KIRREL3: variants seen among roughly 807,000 people sequenced by gnomAD.
The protein encoded by KIRREL3 is kirre like nephrin family adhesion molecule 3, also known as kin of IRRE-like protein 3.
A neutral mutation model predicts 89.7 loss-of-function variants in KIRREL3; 36 were observed. The observed-to-expected ratio is 0.40, with a 90% CI of 0.31 to 0.53. KIRREL3 has a LOEUF of 0.53. Among genes scored for constraint, KIRREL3 ranks in the 20% least tolerant of loss-of-function variants. The pLI is 0.49. For missense variants in KIRREL3, 864 were observed against 1,056.6 expected (o/e 0.82, Z 2.53); for synonymous variants, 445 against 441.4 (o/e 1.01, Z -0.10).
At chr11:126,835,231 C>T (rs1272631903) in intron 1 of KIRREL3, among the ~76,000 whole-genome samples, 1 of 152,218 alleles carries the variant, frequency 6.6e-6, no homozygotes, top group African/African-American at 2.4e-5. Flanking sequence ...CTCCTATAAA[C>T]ATCACTGACA....
Position 126,946,016 on chromosome 11 carries a change from G to T in KIRREL3, c.55+54439C>A, listed in dbSNP as rs1948611364. On this transcript the variant is annotated intron_variant, in intron 1 of 16. Coordinates refer to ENST00000525144, the MANE Select transcript of KIRREL3 (RefSeq NM_032531.4). The surrounding 1 kb of genome is among the most constrained non-coding windows in gnomAD (Gnocchi z 4.1). ...CCTGGATGGAAGTCCTGTGGTGACT[G>T]CTGCTCCATCTGAGCCCCTTAAAAT... is the stretch of plus-strand genomic sequence containing the variant. Among the ~76,000 whole-genome samples, 1 of 152,148 alleles carries T rather than the reference G, an allele frequency of 6.6e-6. No individual in the cohort carries two copies. Among genetic ancestry groups the T allele is most frequent in the Non-Finnish European group, 1.5e-5 (1 of 68,022 alleles).
intron 1 of KIRREL3, among the ~76,000 whole-genome samples, chr11:126,865,914 C>T (rs1944902739): frequency 6.6e-6 from 1 of 152,028 alleles, no homozygotes; most frequent in Non-Finnish European, 1.5e-5. Context: ...CCAAGCTTCT[C>T]ACCTCCACCG....
At position 126,940,310 on chromosome 11, in the gene KIRREL3, TC is replaced by T. The variant is rs1415419471; in HGVS notation, c.55+60144del. 5.9e-5 allele frequency: 9 copies of T among 152,340 alleles called. No individual in the cohort carries two copies. Among genetic ancestry groups the T allele is most frequent in the African/African-American group, 1.7e-4 (7 of 41,592 alleles). 9.4% of individuals were successfully genotyped at this position (152,340 alleles called of 1,614,324 possible). On this transcript the variant is annotated intron_variant, in intron 1 of 16. Transcript: ENST00000525144. The surrounding 1 kb of genome is among the most constrained non-coding windows in gnomAD (Gnocchi z 4.6). ...CTAGATTGGAAAAACAATAGTTGTT[TC>T]TTTTTTCTTTTATTTCAGCAGGGTT...
In KIRREL3 at chr11:126,734,558, G is replaced by A. The variant is rs1948739321; in HGVS notation, c.56-171646C>T. Among the ~76,000 whole-genome samples, 1 of 152,130 alleles carries A rather than the reference G, an allele frequency of 6.6e-6. No homozygotes were observed. The highest frequency in any genetic ancestry group is 1.5e-5 in the Non-Finnish European group (1 of 68,030). On this transcript the variant is annotated intron_variant, in intron 1 of 16. Coordinates refer to ENST00000525144, the MANE Select transcript of KIRREL3 (RefSeq NM_032531.4). This position sits in a 1 kb window ranked among gnomAD's most constrained non-coding sequence, Gnocchi z 5.9. Reference sequence around the variant, plus strand: ...CGTGCCTGTAATCCCAGCTACTTGGGAGGCTGAGACAAGAGAATCACTTGA... The same window carrying A: ...CGTGCCTGTAATCCCAGCTACTTGGAAGGCTGAGACAAGAGAATCACTTGA...
In KIRREL3 at chr11:126,977,311, T is replaced by A. The variant is rs1374669786; in HGVS notation, c.55+23144A>T. Among the ~76,000 whole-genome samples, 1 of 152,170 alleles carries A rather than the reference T, an allele frequency of 6.6e-6. No individual in the cohort carries two copies. The highest frequency in any genetic ancestry group is 1.5e-5 in the Non-Finnish European group (1 of 68,030). ...TTCGGATGCTGCCGCCCTTTCCTTCTTCATCAGGATCATTCGTTTGGTGCT... is the reference window on the plus strand; with the variant it reads ...TTCGGATGCTGCCGCCCTTTCCTTCATCATCAGGATCATTCGTTTGGTGCT... On this transcript the variant is annotated intron_variant, in intron 1 of 16. Coordinates refer to ENST00000525144, the MANE Select transcript of KIRREL3 (RefSeq NM_032531.4). The surrounding 1 kb of genome is among the most constrained non-coding windows in gnomAD (Gnocchi z 4.7).
Position 126,769,663 on chromosome 11 carries a change from A to G in KIRREL3, c.56-206751T>C, listed in dbSNP as rs539794555. On this transcript the variant is annotated intron_variant, in intron 1 of 16. Transcript: ENST00000525144. This position sits in a 1 kb window ranked among gnomAD's most constrained non-coding sequence, Gnocchi z 4.3. ...AAATGATTTCTGAATATCCTGCACA[A>G]TGCTAGGCCCTGTGAAGGACAAGCA... Among the ~76,000 whole-genome samples the G allele has an allele frequency of 2.6e-5, 4 of 152,308 alleles. No individual in the cohort carries two copies. The highest frequency in any genetic ancestry group is 1.3e-4 in the Admixed American group (2 of 15,300).
intron 1 of KIRREL3, among the ~76,000 whole-genome samples, chr11:126,882,932 G>T (rs1478577188): frequency 6.6e-6 from 1 of 152,194 alleles, no homozygotes; most frequent in Non-Finnish European, 1.5e-5. Flanking sequence ...TTCAATGACT[G>T]TGCAGTAGAG....
chr11:126,673,514 A>G (rs915770698), intron 1 of KIRREL3, among the ~76,000 whole-genome samples: 2 of 152,212 alleles, frequency 1.3e-5, no homozygotes, highest in African/African-American at 4.8e-5. Context: ...GGAAGGAGGA[A>G]GCTCCTAAAG....
rs1050272470 is a variant in KIRREL3, at chr11:126,607,025, A to G, written c.56-44113T>C. ...CCAGGGTTTTTAAATTGCATGCCAC[A>G]TGTTTATCCTTATTAAGCAGTTGTT... On this transcript the variant is annotated intron_variant, in intron 1 of 16. Coordinates refer to ENST00000525144, the MANE Select transcript of KIRREL3 (RefSeq NM_032531.4). This position sits in a 1 kb window ranked among gnomAD's most constrained non-coding sequence, Gnocchi z 6.6. 1.2e-4 allele frequency among the ~76,000 whole-genome samples: 18 copies of G among 152,082 alleles called. No individual in the cohort carries two copies. The highest frequency in any genetic ancestry group is 9.2e-4 in the Admixed American group (14 of 15,258).
intron 1 of KIRREL3, among the ~76,000 whole-genome samples, chr11:126,701,312 C>T (rs1245758317): frequency 6.6e-6 from 1 of 152,070 alleles, no homozygotes; most frequent in Non-Finnish European, 1.5e-5. Context: ...AGCATAAATC[C>T]CCAGCATCAA....
intron 11 of KIRREL3, chr11:126,440,202 A>T: frequency 1.5e-6 from 1 of 686,276 alleles, no homozygotes; most frequent in Middle Eastern, 2.5e-4. Flanking sequence ...GAATTTGGTC[A>T]GAGCCGTTCA....
In KIRREL3 at chr11:126,628,463, A is replaced by G. The variant is rs1943883729; in HGVS notation, c.56-65551T>C. On this transcript the variant is annotated intron_variant, in intron 1 of 16. Coordinates refer to ENST00000525144, the MANE Select transcript of KIRREL3 (RefSeq NM_032531.4). The surrounding 1 kb of genome is among the most constrained non-coding windows in gnomAD (Gnocchi z 5.2). ...AAACTTTGTACCCATGAGAGCACATAGTAGGTGGTTAATGAATGTTTGCTG... is the reference window on the plus strand; with the variant it reads ...AAACTTTGTACCCATGAGAGCACATGGTAGGTGGTTAATGAATGTTTGCTG... 1.3e-5 allele frequency among the ~76,000 whole-genome samples: 2 copies of G among 152,214 alleles called. No individual in the cohort carries two copies. Among genetic ancestry groups the G allele is most frequent in the Admixed American group, 1.3e-4 (2 of 15,284 alleles).
chr11:126,448,811 G>A (rs1211189574), intron 8 of KIRREL3, among the ~76,000 whole-genome samples, 198 bp downstream of exon 8: 1 of 152,162 alleles, frequency 6.6e-6, no homozygotes, highest in African/African-American at 2.4e-5. Context: ...CCAAGACCCT[G>A]ACTCATGGGG....
chr11:126,429,918 C>T lies in KIRREL3; in HGVS notation c.1697-630G>A, dbSNP rs760095681. Among the ~76,000 whole-genome samples, 3 of 151,840 alleles carry T rather than the reference C, an allele frequency of 2.0e-5. No homozygotes were observed. The highest frequency in any genetic ancestry group is 4.4e-5 in the Non-Finnish European group (3 of 67,956). On this transcript the variant is annotated intron_variant, in intron 14 of 16. Transcript: ENST00000525144. The surrounding 1 kb of genome is among the most constrained non-coding windows in gnomAD (Gnocchi z 5.2). ...TTGGGAGGCCGAGGTGGGCAGATCACGAGGTCAGGAGTTTGACACCAGCCT... is the reference window on the plus strand; with the variant it reads ...TTGGGAGGCCGAGGTGGGCAGATCATGAGGTCAGGAGTTTGACACCAGCCT...
chr11:126,853,405 CAAGAAGTACA>C (rs994170381), intron 1 of KIRREL3, among the ~76,000 whole-genome samples: 1 of 152,194 alleles, frequency 6.6e-6, no homozygotes, highest in African/African-American at 2.4e-5. Flanking sequence ...TCATTTATAA[CAAGAAGTACA>C]TTCTGCTTTT....
At chr11:126,901,841 T>C (rs1946384104) in intron 1 of KIRREL3, among the ~76,000 whole-genome samples, 1 of 152,150 alleles carries the variant, frequency 6.6e-6, no homozygotes, top group African/African-American at 2.4e-5. Flanking sequence ...CAAAAACTGG[T>C]TTTCCTCCTT....
In KIRREL3 at chr11:126,430,172, C is replaced by T. The variant is rs566158828; in HGVS notation, c.1697-884G>A. Among the ~76,000 whole-genome samples, 11 of 150,892 alleles carry T rather than the reference C, an allele frequency of 7.3e-5. No individual in the cohort carries two copies. Among genetic ancestry groups the T allele is most frequent in the Non-Finnish European group, 7.4e-5 (5 of 67,860 alleles). On this transcript the variant is annotated intron_variant, in intron 14 of 16. Transcript: ENST00000525144. This position sits in a 1 kb window ranked among gnomAD's most constrained non-coding sequence, Gnocchi z 6.6. ...AAAGGAAATTCTTGAGGAGCTGGTGCGGTGGCTCACGCCTGTAATCCCAGC... is the reference window on the plus strand; with the variant it reads ...AAAGGAAATTCTTGAGGAGCTGGTGTGGTGGCTCACGCCTGTAATCCCAGC...
rs148456357 is a variant in KIRREL3 at position 126,993,191 on chromosome 11, A to G, written c.55+7264T>C. ...AGAGAGGACCACAAACCCATAGGCT[A>G]CTAGCAATGTTTCTCAGGTGTTTAC... On this transcript the variant is annotated intron_variant, in intron 1 of 16. Transcript: ENST00000525144. This position sits in a 1 kb window ranked among gnomAD's most constrained non-coding sequence, Gnocchi z 6.1. Among the ~76,000 whole-genome samples the G allele has an allele frequency of 4.6e-5, 7 of 152,354 alleles. 2 individuals carry two copies. The East Asian group carries it at 1.4e-3, about 29-fold the overall frequency.
At chr11:126,972,989 G>C (rs1949469533) in intron 1 of KIRREL3, among the ~76,000 whole-genome samples, 1 of 150,638 alleles carries the variant, frequency 6.6e-6, no homozygotes, top group Non-Finnish European at 1.5e-5. Flanking sequence ...GAGGACGCCA[G>C]CCAAAGTCAA....
Sources: allele counts gnomAD v4.1 joint callset (sites outside exome capture counted in the v4.1 genomes callset), GRCh38; gene constraint gnomAD v4.1.1; non-coding constraint Gnocchi (gnomAD v3.1); transcripts MANE v1.5; gene names NCBI Gene and HGNC (gene_info 2026-07-23, HGNC 2026-07-21).